DRC7: variants seen among roughly 807,000 people sequenced by gnomAD.
The protein encoded by DRC7 is coiled-coil domain containing 135.
In DRC7, 80 loss-of-function variants were observed where a neutral mutation model predicts 104.4. The observed-to-expected ratio is 0.77, with a 90% CI of 0.64 to 0.92. DRC7 has a LOEUF of 0.92. Among genes scored for constraint, DRC7 ranks in the 40% least tolerant of loss-of-function variants. DRC7 has a pLI of 0.00. For synonymous variants in DRC7, 405 were observed against 447.3 expected (o/e 0.91, Z 1.19); for missense variants, 1,034 against 1,141.1 (o/e 0.91, Z 1.35).
intron 10 of DRC7, 22 bp downstream of exon 10, chr16:57,721,761 A>T (rs1307203816): frequency 6.3e-7 from 1 of 1,591,620 alleles, no homozygotes; most frequent in Non-Finnish European, 8.6e-7. Context: ...TTGTGTATTC[A>T]CTTATCCTCT....
At chr16:57,728,034 C>T (rs2048992364) in intron 16 of DRC7, among the ~76,000 whole-genome samples, 1 of 152,228 alleles carries the variant, frequency 6.6e-6, no homozygotes, top group South Asian at 2.1e-4. Flanking sequence ...CAGTTTTTAA[C>T]TAACATCGTT....
At chr16:57,723,264 G>A in intron 12 of DRC7, 134 bp downstream of exon 12, 2 of 1,063,250 alleles carry the variant, frequency 1.9e-6, no homozygotes, top group Non-Finnish European at 2.7e-6. Flanking sequence ...AGCAGTAGAA[G>A]CTGCCCTGCC....
In DRC7 at chr16:57,707,653, T is replaced by A; in HGVS notation, c.1052T>A (p.Met351Lys). Residue 351 changes from methionine (M) to lysine (K), a missense_variant, in exon 8 of 19, where the codon ATG becomes AAG. By Grantham distance (95) the Met-to-Lys change is moderately conservative. Coordinates refer to ENST00000360716, the MANE Select transcript of DRC7 (RefSeq NM_001289162.2). ...LWNHKNYWINMQDCWNCCKDL... is the reference protein window; with the variant it reads ...LWNHKNYWINKQDCWNCCKDL... ...AACCACAAGAACTACTGGATCAACA[T>A]GCAGGATTGCTGGAACTGCTGCAAG... The A allele has an allele frequency of 6.2e-7, 1 of 1,613,354 alleles. No individual in the cohort carries two copies. Among genetic ancestry groups the A allele is most frequent in the South Asian group, 1.1e-5 (1 of 91,078 alleles).
chr16:57,720,787 G>A (rs1164732448), intron 9 of DRC7, among the ~76,000 whole-genome samples: 2 of 152,106 alleles, frequency 1.3e-5, no homozygotes, highest in Non-Finnish European at 2.9e-5. Context: ...CAATGTTTGT[G>A]GAAAAAAGGT....
chr16:57,701,830 C>T, intron 5 of DRC7, 106 bp from the exon 6 acceptor site: 1 of 954,084 alleles, frequency 1.0e-6, no homozygotes, highest in East Asian at 2.4e-5. Flanking sequence ...CCAGCCTGTG[C>T]ATTGGTCCTG....
At chr16:57,711,023 T>C (rs1392932906) in intron 8 of DRC7, among the ~76,000 whole-genome samples, 2 of 152,226 alleles carry the variant, frequency 1.3e-5, no homozygotes, top group African/African-American at 4.8e-5. Context: ...TCCCTTTTCT[T>C]CAGTTTTCTG....
Position 57,699,684 on chromosome 16 carries a change from G to GGGAGAGCATCGCTCCTGGGA in DRC7, c.379-452_379-433dup, listed in dbSNP as rs1277775260. Among the ~76,000 whole-genome samples, 3 of 152,250 alleles carry GGGAGAGCATCGCTCCTGGGA rather than the reference G, an allele frequency of 2.0e-5. No homozygotes were observed. In the East Asian group the frequency reaches 5.8e-4, roughly 29 times the overall value. ...CAGCCCAGAACCTCTGTAGGCCCCA[G>GGGAGAGCATCGCTCCTGGGA]GGAGAGCATCGCTCCTGGGAGGAGA... On this transcript the variant is annotated intron_variant, in intron 4 of 18. Coordinates refer to ENST00000360716, the MANE Select transcript of DRC7 (RefSeq NM_001289162.2).
intron 1 of DRC7, among the ~76,000 whole-genome samples, chr16:57,695,805 T>C (rs1407267522): frequency 6.6e-6 from 1 of 152,236 alleles, no homozygotes; most frequent in East Asian, 1.9e-4. Flanking sequence ...GCGCAGACAG[T>C]GACCCAAGGG....
chr16:57,695,102 G>A (rs1303025509), intron 1 of DRC7, among the ~76,000 whole-genome samples: 1 of 152,130 alleles, frequency 6.6e-6, no homozygotes, highest in East Asian at 1.9e-4. Context: ...CCCACACTGG[G>A]CTATAGCTGA....
intron 6 of DRC7, among the ~76,000 whole-genome samples, chr16:57,702,473 G>T (rs2048670170): frequency 6.6e-6 from 1 of 152,128 alleles, no homozygotes; most frequent in Non-Finnish European, 1.5e-5. Flanking sequence ...TTTACCCTAT[G>T]CATTTGATAA....
intron 8 of DRC7, among the ~76,000 whole-genome samples, chr16:57,717,019 G>A (rs2048850104): frequency 6.6e-6 from 1 of 151,788 alleles, no homozygotes; most frequent in Non-Finnish European, 1.5e-5. Flanking sequence ...TAGCTGGGCT[G>A]TGGTGGCGAG....
At chr16:57,729,071 TGGATG>T in intron 17 of DRC7, among the ~76,000 whole-genome samples, 2 of 149,306 alleles carry the variant, frequency 1.3e-5, no homozygotes, top group South Asian at 2.1e-4. Context: ...AGTGAGTGAG[TGGATG>T]GATGAGTGGG....
chr16:57,700,940 C>T (rs2048651195), intron 5 of DRC7, among the ~76,000 whole-genome samples: 1 of 152,150 alleles, frequency 6.6e-6, no homozygotes, highest in Admixed American at 6.5e-5. Flanking sequence ...ACCCACAATG[C>T]ATTGCAATCC....
rs764254719 is a variant in DRC7 at position 57,698,060 on chromosome 16, G to A, written c.111G>A (p.Val37=). ...RMEKMMRPVE[V]RKEEITLKQE... is the part of the protein sequence containing the mutation. Reference sequence around the variant, plus strand: ...AGAAAATGATGAGGCCAGTTGAGGTGCGGAAGGAGGAAATCACCTTAAAGC... The same window carrying A: ...AGAAAATGATGAGGCCAGTTGAGGTACGGAAGGAGGAAATCACCTTAAAGC... The change falls in exon 3 of 19, where the codon GTG becomes GTA. Residue 37 remains valine, a synonymous_variant. Coordinates refer to ENST00000360716, the MANE Select transcript of DRC7 (RefSeq NM_001289162.2). 6.2e-7 allele frequency: 1 copy of A among 1,614,126 alleles called. No homozygotes were observed. Among genetic ancestry groups the A allele is most frequent in the Non-Finnish European group, 8.5e-7 (1 of 1,180,034 alleles).
chr16:57,720,505 C>T (rs1224630923), intron 9 of DRC7, among the ~76,000 whole-genome samples: 2 of 152,228 alleles, frequency 1.3e-5, no homozygotes, highest in African/African-American at 4.8e-5. Context: ...AGGCAGCCGG[C>T]TGAGCACCCA....
intron 4 of DRC7, 111 bp from the exon 5 acceptor site, chr16:57,700,034 T>C: frequency 7.7e-7 from 1 of 1,294,444 alleles, no homozygotes; most frequent in Non-Finnish European, 1.1e-6. Context: ...CCTGGCCTCC[T>C]GCATTTGCTC....
At chr16:57,726,521 G>T in intron 14 of DRC7, 1 of 574,150 alleles carries the variant, frequency 1.7e-6, no homozygotes, top group Non-Finnish European at 3.1e-6. Flanking sequence ...CGACTCTGCA[G>T]TCCTGGTCAG....
chr16:57,720,578 C>A (rs1185075791), intron 9 of DRC7, among the ~76,000 whole-genome samples: 1 of 152,184 alleles, frequency 6.6e-6, no homozygotes, highest in Non-Finnish European at 1.5e-5. Flanking sequence ...CAAGAGCCCT[C>A]ATTACAGCAA....
intron 6 of DRC7, 72 bp from the exon 7 acceptor site, chr16:57,704,804 T>C: frequency 6.4e-7 from 1 of 1,561,594 alleles, no homozygotes; most frequent in Non-Finnish European, 8.7e-7. Flanking sequence ...TGGGCGGGTC[T>C]CACCTCTTGG....
Sources: gnomAD v4.1 joint callset for allele counts (sites outside exome capture counted in the v4.1 genomes callset) on GRCh38, gnomAD v4.1.1 for gene constraint, MANE v1.5 for transcripts, NCBI Gene and HGNC (gene_info 2026-07-23, HGNC 2026-07-21) for gene names.